Variants in ASAP2 observed in about 807,000 individuals in gnomAD.
ASAP2 encodes the protein ArfGAP with SH3 domain, ankyrin repeat and PH domain 2, also known as arf-GAP with SH3 domain, ANK repeat and PH domain-containing protein 2.
Under a neutral mutation model 131.4 loss-of-function variants are expected in ASAP2, and 45 were observed. The observed-to-expected ratio is 0.34, with a 90% CI of 0.27 to 0.44. The LOEUF (loss-of-function observed/expected upper bound fraction) is 0.44, where lower values mean the gene tolerates loss of function less well. Among genes scored for constraint, ASAP2 ranks in the 20% least tolerant of loss-of-function variants. The pLI, the probability that ASAP2 is intolerant of heterozygous loss-of-function variation, is 1.00. For synonymous variants in ASAP2, 510 were observed against 503.0 expected (o/e 1.01, Z -0.19); for missense variants, 1,011 against 1,297.0 (o/e 0.78, Z 3.39).
At chr2:9,216,082 G>A (rs1378255312) in intron 1 of ASAP2, among the ~76,000 whole-genome samples, 4 of 152,066 alleles carry the variant, frequency 2.6e-5, no homozygotes, top group African/African-American at 4.8e-5. Context: ...TGTGTCACAC[G>A]GCATGTACTG....
At chr2:9,255,772 T>A (rs1294575667) in intron 1 of ASAP2, among the ~76,000 whole-genome samples, 1 of 152,228 alleles carries the variant, frequency 6.6e-6, no homozygotes, top group African/African-American at 2.4e-5. Flanking sequence ...CCAACAGTTG[T>A]TAAAAAGTTT....
intron 2 of ASAP2, among the ~76,000 whole-genome samples, chr2:9,286,817 A>G (rs1667498395): frequency 6.6e-6 from 1 of 152,226 alleles, no homozygotes; most frequent in East Asian, 1.9e-4. Flanking sequence ...AAAATTCAGG[A>G]TGCAAAATTT....
intron 1 of ASAP2, among the ~76,000 whole-genome samples, chr2:9,270,856 G>C (rs528313225): frequency 5.9e-5 from 8 of 136,384 alleles, no homozygotes; most frequent in African/African-American, 1.1e-4. Flanking sequence ...GCAGTGGCGC[G>C]ATCTCGGCTC....
rs1675838296 is a variant in ASAP2 at position 9,392,977 on chromosome 2, T to C, written c.2519-505T>C. 1.3e-5 allele frequency among the ~76,000 whole-genome samples: 2 copies of C among 152,088 alleles called. No homozygotes were observed. ...TGTAAAACGTAGACACTAAGAAAGC[T>C]CTTCACCCACCCACTCCGGAGACTG... On this transcript the variant is annotated intron_variant, in intron 23 of 27. Coordinates refer to ENST00000281419, the MANE Select transcript of ASAP2 (RefSeq NM_003887.3). This position sits in a 1 kb window ranked among gnomAD's most constrained non-coding sequence, Gnocchi z 4.0.
chr2:9,399,857 C>A, intron 24 of ASAP2, 166 bp from the exon 25 acceptor site: 1 of 674,008 alleles, frequency 1.5e-6, no homozygotes, highest in Admixed American at 2.8e-5. Context: ...TCCTCAGGGC[C>A]TCTCATTCTT....
intron 22 of ASAP2, among the ~76,000 whole-genome samples, chr2:9,390,784 C>T (rs2148793330): frequency 6.6e-6 from 1 of 152,318 alleles, no homozygotes; most frequent in Middle Eastern, 3.4e-3. Flanking sequence ...TCAAATGATA[C>T]TGATATTTGA....
chr2:9,343,333 G>A (rs1257847612), intron 9 of ASAP2, among the ~76,000 whole-genome samples: 1 of 152,168 alleles, frequency 6.6e-6, no homozygotes, highest in African/African-American at 2.4e-5. Flanking sequence ...TGAACACTTG[G>A]TTCACATCTT....
intron 1 of ASAP2, among the ~76,000 whole-genome samples, chr2:9,228,273 A>G (rs1431339513): frequency 6.6e-6 from 1 of 152,210 alleles, no homozygotes; most frequent in Non-Finnish European, 1.5e-5. Flanking sequence ...TTCAGTGTTA[A>G]AAATATACTT....
intron 15 of ASAP2, among the ~76,000 whole-genome samples, chr2:9,361,565 T>C (rs1433329463): frequency 6.6e-6 from 1 of 152,042 alleles, no homozygotes; most frequent in Admixed American, 6.6e-5. Flanking sequence ...TTTCTTTTCT[T>C]TTCCTTTTCC....
At chr2:9,335,007 G>A in intron 8 of ASAP2, 86 bp from the exon 9 acceptor site, 2 of 1,438,460 alleles carry the variant, frequency 1.4e-6, no homozygotes, top group Non-Finnish European at 1.9e-6. Context: ...CGCATTGTGT[G>A]GAAATGGCCC....
At chr2:9,270,151 GAATT>G (rs1159135064) in intron 1 of ASAP2, among the ~76,000 whole-genome samples, 1 of 152,232 alleles carries the variant, frequency 6.6e-6, no homozygotes, top group Non-Finnish European at 1.5e-5. Context: ...TGGCCCCTGA[GAATT>G]AATGAGGTCT....
At position 9,296,992 on chromosome 2, in the gene ASAP2, T is replaced by C. The variant is rs545707227; in HGVS notation, c.200-308T>C. The stretch of plus-strand genomic sequence containing the variant: ...TCTGGTGAGTTGTGCCATCATTTGG[T>C]GAAGGAAGAGTCCTCGGAGAGGTGG... On this transcript the variant is annotated intron_variant, in intron 2 of 27. Transcript: ENST00000281419. 6.6e-5 allele frequency among the ~76,000 whole-genome samples: 10 copies of C among 152,232 alleles called. No homozygotes were observed. The East Asian group carries it at 1.9e-3, about 29-fold the overall frequency.
At chr2:9,399,870 T>C (rs1572643349) in intron 24 of ASAP2, 153 bp from the exon 25 acceptor site, 3 of 727,146 alleles carry the variant, frequency 4.1e-6, no homozygotes, top group Admixed American at 5.5e-5. Context: ...TCATTCTTCC[T>C]TTTCCCATAA....
At chr2:9,256,659 A>C (rs1437588915) in intron 1 of ASAP2, among the ~76,000 whole-genome samples, 1 of 152,208 alleles carries the variant, frequency 6.6e-6, no homozygotes, top group Non-Finnish European at 1.5e-5. Flanking sequence ...AGAGTATTGA[A>C]ATGAAAGTGC....
intron 1 of ASAP2, among the ~76,000 whole-genome samples, chr2:9,240,374 C>G (rs1663878308): frequency 6.6e-6 from 1 of 151,768 alleles, no homozygotes; most frequent in African/African-American, 2.4e-5. Flanking sequence ...CCACATCCAC[C>G]TCCCCGGTAG....
chr2:9,393,630 G>A lies in ASAP2; in HGVS notation c.2667G>A (p.Gln889=). ...LPPQPPSRLP[Q]KKPAPGADKS... ...CACAGCCGCCCAGCCGCCTCCCGCAGAAGAAGCCTGCGCCGGGGTAAGCCA... is the reference window on the plus strand; with the variant it reads ...CACAGCCGCCCAGCCGCCTCCCGCAAAAGAAGCCTGCGCCGGGGTAAGCCA... Residue 889 remains glutamine (Q), a synonymous_variant, in exon 24 of 28, where the codon CAG becomes CAA. Transcript: ENST00000281419. 2 of 1,581,198 alleles carry A rather than the reference G, an allele frequency of 1.3e-6. No individual in the cohort carries two copies. Among genetic ancestry groups the A allele is most frequent in the South Asian group, 2.3e-5 (2 of 87,558 alleles).
chr2:9,257,128 A>G (rs1322686940), intron 1 of ASAP2, among the ~76,000 whole-genome samples: 1 of 152,176 alleles, frequency 6.6e-6, no homozygotes, highest in Non-Finnish European at 1.5e-5. Flanking sequence ...CATTCATTCC[A>G]TGTTCGTGGA....
intron 1 of ASAP2, among the ~76,000 whole-genome samples, chr2:9,220,652 G>GT (rs1045762914): frequency 6.6e-6 from 1 of 152,142 alleles, no homozygotes; most frequent in African/African-American, 2.4e-5. Flanking sequence ...TTTGTAGATT[G>GT]TTTTTTCACT....
At chr2:9,210,429 GT>G (rs1661448043) in intron 1 of ASAP2, among the ~76,000 whole-genome samples, 1 of 152,172 alleles carries the variant, frequency 6.6e-6, no homozygotes, top group Non-Finnish European at 1.5e-5. Context: ...TATATAGTTA[GT>G]GAGTCCACAG....
Sources: allele counts gnomAD v4.1 joint callset (sites outside exome capture counted in the v4.1 genomes callset), GRCh38; gene constraint gnomAD v4.1.1; non-coding constraint Gnocchi (gnomAD v3.1); transcripts MANE v1.5; gene names NCBI Gene and HGNC (gene_info 2026-07-23, HGNC 2026-07-21).